CCDC15: variants seen among roughly 807,000 people sequenced by gnomAD.
CCDC15 encodes the protein coiled-coil domain containing 15.
In CCDC15, 105 loss-of-function variants were observed where a neutral mutation model predicts 114.5. The observed-to-expected ratio is 0.92, with a 90% CI of 0.78 to 1.08. The LOEUF (loss-of-function observed/expected upper bound fraction) is 1.08, where lower values mean the gene tolerates loss of function less well. Among genes scored for constraint, CCDC15 ranks in the 50% least tolerant of loss-of-function variants. The pLI, the probability that CCDC15 is intolerant of heterozygous loss-of-function variation, is 0.00. For synonymous variants in CCDC15, 334 were observed against 377.8 expected (o/e 0.88, Z 1.34); for missense variants, 1,105 against 1,093.6 (o/e 1.01, Z -0.15).
intron 13 of CCDC15, among the ~76,000 whole-genome samples, chr11:125,009,174 C>T (rs1428251027): frequency 1.3e-5 from 2 of 151,080 alleles, no homozygotes; most frequent in African/African-American, 4.9e-5. Flanking sequence ...TTGCAGTGAG[C>T]CGAGATCGTG....
chr11:124,983,931 G>A (rs1187901215), intron 6 of CCDC15, among the ~76,000 whole-genome samples: 1 of 152,116 alleles, frequency 6.6e-6, no homozygotes, highest in Admixed American at 6.5e-5. Context: ...TCACTCTGGT[G>A]GCAGTGTCAG....
At chr11:125,007,716 C>T (rs1948562281) in intron 13 of CCDC15, among the ~76,000 whole-genome samples, 1 of 152,054 alleles carries the variant, frequency 6.6e-6, no homozygotes, top group South Asian at 2.1e-4. Flanking sequence ...ATAAGAGTTC[C>T]CTTTTCTCTA....
rs1591611706 is a variant in CCDC15 at position 125,022,645 on chromosome 11, A to G, written c.2412-15786A>G. Reference sequence around the variant, plus strand: ...AACTTATACCTGTGTTAATCTAACAAAATGGAAGGCTATAATTCCCCTGGA... The same window carrying G: ...AACTTATACCTGTGTTAATCTAACAGAATGGAAGGCTATAATTCCCCTGGA... On this transcript the variant is annotated intron_variant, in intron 13 of 15. Coordinates refer to ENST00000344762, the MANE Select transcript of CCDC15 (RefSeq NM_025004.3). 2.0e-5 allele frequency among the ~76,000 whole-genome samples: 3 copies of G among 151,960 alleles called. No individual in the cohort carries two copies. In the South Asian group the frequency reaches 6.2e-4, roughly 31 times the overall value.
At chr11:124,994,197 G>T (rs118173431) in intron 11 of CCDC15, among the ~76,000 whole-genome samples, 1 of 152,052 alleles carries the variant, frequency 6.6e-6, no homozygotes, top group Non-Finnish European at 1.5e-5. Flanking sequence ...GCTGAAAGAC[G>T]GCCACAGGAT....
chr11:124,991,509 A>G lies in CCDC15; in HGVS notation c.1957A>G (p.Arg653Gly), dbSNP rs1339428679. 5.0e-6 allele frequency: 8 copies of G among 1,606,856 alleles called. No individual in the cohort carries two copies. The highest frequency in any genetic ancestry group is 6.8e-6 in the Non-Finnish European group (8 of 1,174,104). The change falls in exon 9 of 16, where the codon AGA becomes GGA. Residue 653 changes from arginine to glycine, a missense_variant. By Grantham distance (125) the Arg-to-Gly change is moderately radical (BLOSUM62 -2). Coordinates refer to ENST00000344762, the MANE Select transcript of CCDC15 (RefSeq NM_025004.3). Reference sequence around the variant, plus strand: ...CTCTGATATGACAGATGAGAAAGGGAGAGAAGACTTTTCTCTGGCAGACTA... The same window carrying G: ...CTCTGATATGACAGATGAGAAAGGGGGAGAAGACTTTTCTCTGGCAGACTA... ...PYSDMTDEKG[R>G]EDFSLADYQC...
At chr11:125,029,642 TA>T (rs1948725356) in intron 13 of CCDC15, among the ~76,000 whole-genome samples, 1 of 152,242 alleles carries the variant, frequency 6.6e-6, no homozygotes, top group African/African-American at 2.4e-5. Context: ...CATGTGATTG[TA>T]GCTGGTATGA....
At chr11:124,966,130 G>A (rs1347284262) in intron 4 of CCDC15, among the ~76,000 whole-genome samples, 2 of 152,190 alleles carry the variant, frequency 1.3e-5, no homozygotes, top group Non-Finnish European at 2.9e-5. Flanking sequence ...GATTTGGGGT[G>A]GAGAGTTCTG....
chr11:124,977,831 C>A (rs1313520848), intron 6 of CCDC15, among the ~76,000 whole-genome samples: 1 of 151,996 alleles, frequency 6.6e-6, no homozygotes, highest in Non-Finnish European at 1.5e-5. Flanking sequence ...TAATTTAGAG[C>A]ATTTTATTTT....
At chr11:124,968,439 T>C (rs997949791) in intron 4 of CCDC15, among the ~76,000 whole-genome samples, 31 of 152,342 alleles carry the variant, frequency 2.0e-4, no homozygotes, top group African/African-American at 6.7e-4. Flanking sequence ...AGCAAGGCTC[T>C]GTGGGTGTGG....
Position 125,038,204 on chromosome 11 carries a change from G to A in CCDC15, c.2412-227G>A, listed in dbSNP as rs761644992. On this transcript the variant is annotated intron_variant, in intron 13 of 15. Coordinates refer to ENST00000344762, the MANE Select transcript of CCDC15 (RefSeq NM_025004.3). ...CAGAGTGCTGGGATTACAGGCATGAGCCACCGCACCTAGCCAGGAAGAACT... is the reference window on the plus strand; with the variant it reads ...CAGAGTGCTGGGATTACAGGCATGAACCACCGCACCTAGCCAGGAAGAACT... The A allele has an allele frequency of 5.1e-4, 153 of 300,572 alleles. 1 individual carries two copies. The highest frequency in any genetic ancestry group is 2.0e-3 in the Admixed American group (39 of 19,790). The allele number at this position is 300,572 out of a possible 1,614,324, so 18.6% of individuals were successfully genotyped here. A position where few individuals can be genotyped will look rare whatever the true frequency, so the allele number is the denominator to read the frequency against.
intron 4 of CCDC15, among the ~76,000 whole-genome samples, chr11:124,962,285 G>C (rs374702838): frequency 6.6e-6 from 1 of 152,192 alleles, no homozygotes; most frequent in Admixed American, 6.5e-5. Context: ...CTGAATGTTA[G>C]TACACGTCTC....
At chr11:124,995,870 A>G (rs1007810542) in intron 11 of CCDC15, among the ~76,000 whole-genome samples, 14 of 151,054 alleles carry the variant, frequency 9.3e-5, no homozygotes, top group African/African-American at 3.4e-4. Context: ...TTACTCTGTC[A>G]CCTAGGCTGG....
chr11:124,978,778 C>T (rs1948018585), intron 6 of CCDC15, among the ~76,000 whole-genome samples: 1 of 150,880 alleles, frequency 6.6e-6, no homozygotes, highest in African/African-American at 2.4e-5. Flanking sequence ...GTTGCTTTTG[C>T]TGTGCAGAAG....
At chr11:125,021,880 G>A (rs1046328454) in intron 13 of CCDC15, among the ~76,000 whole-genome samples, 3 of 151,848 alleles carry the variant, frequency 2.0e-5, no homozygotes, top group Admixed American at 6.6e-5. Flanking sequence ...CATTGACTTC[G>A]CTCTGTTTAA....
At chr11:125,022,703 A>G (rs1472591790) in intron 13 of CCDC15, among the ~76,000 whole-genome samples, 1 of 151,992 alleles carries the variant, frequency 6.6e-6, no homozygotes, top group Non-Finnish European at 1.5e-5. Flanking sequence ...ATAGAAGCCC[A>G]GAATTTTCAC....
rs1038966455 is a variant in CCDC15 at position 125,003,953 on chromosome 11, G to T, written c.2301G>T (p.Lys767Asn). ...FQSDVDKEED[K>N]KERQKQYLRH... ...CTGACGTGGATAAAGAAGAAGATAAGAAAGAGGTATGTAATGATACTGCTT... is the reference window on the plus strand; with the variant it reads ...CTGACGTGGATAAAGAAGAAGATAATAAAGAGGTATGTAATGATACTGCTT... Residue 767 changes from lysine to asparagine, a missense_variant, in exon 12 of 16, where the codon AAG becomes AAT. By Grantham distance (94) the Lys-to-Asn change is moderately conservative. Transcript: ENST00000344762. The T allele has an allele frequency of 9.2e-6, 14 of 1,516,354 alleles. No homozygotes were observed. The highest frequency in any genetic ancestry group is 6.9e-5 in the Admixed American group (3 of 43,184). 93.9% of individuals were successfully genotyped at this position (1,516,354 alleles called of 1,614,324 possible). A position where few individuals can be genotyped will look rare whatever the true frequency, so the allele number is the denominator to read the frequency against.
chr11:125,011,225 T>TTAG lies in CCDC15; in HGVS notation c.2411+6015_2411+6016insGTA, dbSNP rs1207423396. 4.8e-3 allele frequency among the ~76,000 whole-genome samples: 654 copies of TTAG among 135,654 alleles called. 4 individuals carry two copies. The highest frequency in any genetic ancestry group is 0.019 in the African/African-American group (621 of 32,916). The allele number at this position is 135,654 out of a possible 152,430, so 89.0% of individuals were successfully genotyped here. On this transcript the variant is annotated intron_variant, in intron 13 of 15. Coordinates refer to ENST00000344762, the MANE Select transcript of CCDC15 (RefSeq NM_025004.3). Reference sequence around the variant, plus strand: ...AACTGTTTCTGTAATAGAAGTATTATTATTATTATTATTATTATTATTATT... The same window carrying TTAG: ...AACTGTTTCTGTAATAGAAGTATTATTAGTATTATTATTATTATTATTATTATT...
chr11:125,015,190 A>G (rs1055234015), intron 13 of CCDC15, among the ~76,000 whole-genome samples: 4 of 152,168 alleles, frequency 2.6e-5, no homozygotes, highest in Non-Finnish European at 4.4e-5. Flanking sequence ...TTAACCTTCC[A>G]TCTTAAGCTT....
chr11:125,035,349 A>G (rs1226506200), intron 13 of CCDC15, among the ~76,000 whole-genome samples: 1 of 151,810 alleles, frequency 6.6e-6, no homozygotes, highest in South Asian at 2.1e-4. Flanking sequence ...GTCTTTTTTT[A>G]TAGTTTTTGT....
Sources: allele counts gnomAD v4.1 joint callset (sites outside exome capture counted in the v4.1 genomes callset), GRCh38; gene constraint gnomAD v4.1.1; transcripts MANE v1.5; gene names NCBI Gene and HGNC (gene_info 2026-07-23, HGNC 2026-07-21).